The following PPARGC1A variants were observed in gnomAD, a reference collection of about 807,000 sequenced individuals.
PPARGC1A encodes PPARG coactivator 1 alpha, also known as peroxisome proliferator-activated receptor gamma coactivator 1-alpha.
A neutral mutation model predicts 88.7 loss-of-function variants in PPARGC1A; 25 were observed. The observed-to-expected ratio is 0.28, with a 90% CI of 0.21 to 0.39. The LOEUF is 0.39. Ranked by LOEUF, PPARGC1A falls within the 10% of genes least tolerant of loss-of-function variation. The probability of loss-of-function intolerance (pLI) is 1.00; values close to 1 mark genes in which losing one functional copy is unlikely to be tolerated. For missense variants in PPARGC1A, 880 were observed against 968.7 expected (o/e 0.91, Z 1.22); for synonymous variants, 363 against 355.6 (o/e 1.02, Z -0.24).
At chr4:23,924,773 T>C in the PPARGC1A span, among the ~76,000 whole-genome samples, 3,539 of 152,274 alleles carry the variant, frequency 0.023, 119 homozygotes, top group East Asian at 0.1. Context: ...TCCCCTCACC[T>C]GCATCACCAA....
At chr4:23,940,070 C>A in the PPARGC1A span, among the ~76,000 whole-genome samples, 1 of 152,178 alleles carries the variant, frequency 6.6e-6, no homozygotes, top group Non-Finnish European at 1.5e-5. Flanking sequence ...TCAAGGCTCC[C>A]CTAATTTATA....
the PPARGC1A span, among the ~76,000 whole-genome samples, chr4:24,414,374 C>G: frequency 6.6e-6 from 1 of 152,134 alleles, no homozygotes; most frequent in South Asian, 2.1e-4. Context: ...CCTTCCAGAG[C>G]AGTAGCAGTA....
intron 10 of PPARGC1A, among the ~76,000 whole-genome samples, chr4:23,809,098 T>C (rs1313306921): frequency 6.6e-6 from 1 of 152,158 alleles, no homozygotes; most frequent in African/African-American, 2.4e-5. Context: ...GTTTCAAACA[T>C]TGAAAGAACA....
the PPARGC1A span, among the ~76,000 whole-genome samples, chr4:24,013,340 A>C: frequency 6.6e-6 from 1 of 152,102 alleles, no homozygotes. Context: ...CTCTTCTTCT[A>C]CCCAATTCCC....
At chr4:24,024,093 TA>T in the PPARGC1A span, among the ~76,000 whole-genome samples, 1 of 152,290 alleles carries the variant, frequency 6.6e-6, no homozygotes, top group African/African-American at 2.4e-5. Flanking sequence ...CCAGGAAGAC[TA>T]GAATAAGAGA....
chr4:24,416,963 G>C, the PPARGC1A span, among the ~76,000 whole-genome samples: 1 of 151,736 alleles, frequency 6.6e-6, no homozygotes, highest in East Asian at 1.9e-4. Context: ...CCAGGAGGCG[G>C]AGGTTGCAGT....
chr4:23,910,312 A>AATATTATATATATTAT, the PPARGC1A span, among the ~76,000 whole-genome samples: 7 of 47,450 alleles, frequency 1.5e-4, no homozygotes, highest in South Asian at 1.1e-3. Context: ...CCCTATATAT[A>AATATTATATATATTAT]ATATTATATA....
At chr4:23,848,854 C>G (rs375518677) in intron 2 of PPARGC1A, among the ~76,000 whole-genome samples, 8 of 144,332 alleles carry the variant, frequency 5.5e-5, no homozygotes, top group African/African-American at 2.2e-4. Flanking sequence ...CCCTGGAATC[C>G]CAGTACTATC....
chr4:24,036,887 A>T, the PPARGC1A span, among the ~76,000 whole-genome samples: 3 of 152,266 alleles, frequency 2.0e-5, no homozygotes, highest in Non-Finnish European at 4.4e-5. Context: ...GTCAATGTCC[A>T]GTACTTAGAA....
chr4:24,258,985 C>T, the PPARGC1A span, among the ~76,000 whole-genome samples: 3 of 152,208 alleles, frequency 2.0e-5, no homozygotes, highest in South Asian at 6.2e-4. Context: ...AACTTACAAT[C>T]CTATGGTTCG....
the PPARGC1A span, among the ~76,000 whole-genome samples, chr4:23,944,748 C>T: frequency 2.0e-5 from 3 of 152,168 alleles, no homozygotes; most frequent in African/African-American, 2.4e-5. Flanking sequence ...GAGCTTCCCC[C>T]TTTGCTAGGC....
chr4:24,309,109 CT>C, the PPARGC1A span, among the ~76,000 whole-genome samples: 2 of 151,592 alleles, frequency 1.3e-5, no homozygotes, highest in Non-Finnish European at 2.9e-5. Context: ...AAAAGGACTG[CT>C]TTTCACAAGG....
the PPARGC1A span, among the ~76,000 whole-genome samples, chr4:24,461,682 T>C: frequency 6.6e-6 from 1 of 152,084 alleles, no homozygotes; most frequent in Non-Finnish European, 1.5e-5. Context: ...TAGGGCAAGC[T>C]CATTGTAGGT....
At chr4:24,329,293 G>A in the PPARGC1A span, among the ~76,000 whole-genome samples, 1 of 150,660 alleles carries the variant, frequency 6.6e-6, no homozygotes, top group Admixed American at 6.6e-5. Context: ...AAAAGACTTA[G>A]CAATTTTGGG....
Position 23,883,145 on chromosome 4 carries a change from A to T in PPARGC1A, c.234+1607T>A, listed in dbSNP as rs1222029486. The T allele has an allele frequency of 2.0e-5, 3 of 152,232 alleles. No homozygotes were observed. In the East Asian group the frequency reaches 5.8e-4, roughly 29 times the overall value. The allele number at this position is 152,232 out of a possible 1,614,324, so 9.4% of individuals were successfully genotyped here. A position where few individuals can be genotyped will look rare whatever the true frequency, so the allele number is the denominator to read the frequency against. On this transcript the variant is annotated intron_variant, in intron 2 of 12. Transcript: ENST00000264867. Reference sequence around the variant, plus strand: ...TTCTAACTGGCCAAGTCCTCACATGAACTTTCTAAGACCCGGCTGAGAAGC... The same window carrying T: ...TTCTAACTGGCCAAGTCCTCACATGTACTTTCTAAGACCCGGCTGAGAAGC...
the PPARGC1A span, among the ~76,000 whole-genome samples, chr4:24,017,266 T>C: frequency 2.0e-5 from 3 of 152,270 alleles, no homozygotes; most frequent in East Asian, 5.8e-4. Flanking sequence ...AAAAACCAGG[T>C]AACCAGTTGT....
chr4:24,339,191 C>CGTGTGTGT, the PPARGC1A span, among the ~76,000 whole-genome samples: 30 of 103,004 alleles, frequency 2.9e-4, no homozygotes, highest in Admixed American at 1.0e-3. Context: ...AAGGTTCATC[C>CGTGTGTGT]ATGTGTGTGT....
chr4:24,103,108 C>G, the PPARGC1A span, among the ~76,000 whole-genome samples: 2 of 152,142 alleles, frequency 1.3e-5, no homozygotes, highest in African/African-American at 4.8e-5. Context: ...ATGTTTAAAA[C>G]AATTCTGCAT....
At chr4:24,299,129 A>G in the PPARGC1A span, among the ~76,000 whole-genome samples, 2 of 152,180 alleles carry the variant, frequency 1.3e-5, no homozygotes, top group Admixed American at 1.3e-4. Flanking sequence ...AGTCACAGCC[A>G]GATACACAGA....
Sources: gnomAD v4.1 joint callset for allele counts (sites outside exome capture counted in the v4.1 genomes callset) on GRCh38, gnomAD v4.1.1 for gene constraint, MANE v1.5 for transcripts, NCBI Gene and HGNC (gene_info 2026-07-23, HGNC 2026-07-21) for gene names.